The following IL1RAPL2 variants were observed in gnomAD, a reference collection of about 807,000 sequenced individuals.
IL1RAPL2 encodes X-linked interleukin-1 receptor accessory protein-like 2.
Under a neutral mutation model 44.1 loss-of-function variants are expected in IL1RAPL2, and 3 were observed. The observed-to-expected ratio is 0.07, with a 90% CI of 0.03 to 0.18. IL1RAPL2 has a LOEUF of 0.18. Among genes scored for constraint, IL1RAPL2 ranks in the 10% least tolerant of loss-of-function variants. The probability of loss-of-function intolerance (pLI) is 1.00; values close to 1 mark genes in which losing one functional copy is unlikely to be tolerated. For missense variants in IL1RAPL2, 391 were observed against 496.4 expected, an observed-to-expected ratio of 0.79 and a Z score of 2.02; for synonymous variants, 181 against 178.8, an observed-to-expected ratio of 1.01 and a Z score of -0.10.
intron 6 of IL1RAPL2, among the ~76,000 whole-genome samples, chrX:105,528,037 C>T (rs2036606546): frequency 8.9e-6 from 1 of 111,933 alleles, no homozygotes; most frequent in Admixed American, 9.5e-5. Flanking sequence ...CAGGGAATAC[C>T]CATGTCATAG....
intron 6 of IL1RAPL2, among the ~76,000 whole-genome samples, chrX:105,685,827 A>G (rs1056878684): frequency 8.9e-6 from 1 of 112,022 alleles, no homozygotes; most frequent in African/African-American, 3.3e-5. Context: ...CCACAGAGGG[A>G]AGCCCATCAG....
intron 1 of IL1RAPL2, among the ~76,000 whole-genome samples, chrX:104,584,453 G>GTT (rs1310575450): frequency 7.5e-4 from 77 of 102,574 alleles, no homozygotes; most frequent in Admixed American, 2.7e-3. Context: ...TCAATAAATA[G>GTT]TTTTTTTTTT....
At chrX:105,091,294 C>T (rs2032540557) in intron 2 of IL1RAPL2, among the ~76,000 whole-genome samples, 1 of 111,913 alleles carries the variant, frequency 8.9e-6, no homozygotes, top group African/African-American at 3.2e-5. Context: ...GTAATTTTCC[C>T]ATGAATGGTC....
chrX:105,005,010 G>A (rs1052672055), intron 2 of IL1RAPL2, among the ~76,000 whole-genome samples: 4 of 110,923 alleles, frequency 3.6e-5, no homozygotes, highest in Admixed American at 9.6e-5. Context: ...AATCCCCCAC[G>A]TATGTTCTAT....
intron 4 of IL1RAPL2, among the ~76,000 whole-genome samples, chrX:105,244,039 G>A (rs1017368720): frequency 1.8e-5 from 2 of 111,389 alleles, no homozygotes; most frequent in Non-Finnish European, 3.8e-5. Context: ...CCCTAGGTGA[G>A]ACTAATTTGG....
At chrX:105,120,530 T>C (rs1167364968) in intron 2 of IL1RAPL2, among the ~76,000 whole-genome samples, 2 of 111,261 alleles carry the variant, frequency 1.8e-5, no homozygotes, top group African/African-American at 6.5e-5. Flanking sequence ...TACTGCCCTC[T>C]TCCCAAGCCA....
intron 2 of IL1RAPL2, among the ~76,000 whole-genome samples, chrX:104,754,470 TAATG>T (rs1037353613): frequency 9.0e-6 from 1 of 111,685 alleles, no homozygotes; most frequent in African/African-American, 3.2e-5. Flanking sequence ...ATTGATTAAA[TAATG>T]AACTGACTGG....
At position 104,582,612 on chromosome X, in the gene IL1RAPL2, C is replaced by CTT. The variant is rs1178012617; in HGVS notation, c.-20+15563_-20+15564dup. Among the ~76,000 whole-genome samples, 240 of 31,137 alleles carry CTT rather than the reference C, an allele frequency of 7.7e-3. 2 individuals are homozygous for CTT. The highest frequency in any genetic ancestry group is 0.025 in the African/African-American group (227 of 9,145). The allele number at this position is 31,137 out of a possible 115,157, so 27.0% of individuals were successfully genotyped here. ...TTTCTTTCTTTTTCTTTCTTTCTTT[C>CTT]TTTCTTTCTTTCTTTCTTTCTTTCT... On this transcript the variant is annotated intron_variant, in intron 1 of 10. Transcript: ENST00000372582.
At chrX:104,752,526 A>G (rs1187334630) in intron 2 of IL1RAPL2, among the ~76,000 whole-genome samples, 1 of 110,428 alleles carries the variant, frequency 9.1e-6, no homozygotes, top group African/African-American at 3.3e-5. Context: ...CCTTCTCAGT[A>G]TGTAATCACT....
At chrX:104,828,335 A>C (rs1921513550) in intron 2 of IL1RAPL2, among the ~76,000 whole-genome samples, 1 of 111,389 alleles carries the variant, frequency 9.0e-6, no homozygotes, top group South Asian at 3.7e-4. Flanking sequence ...TTTTATTAAT[A>C]TTGATGGTAT....
intron 1 of IL1RAPL2, among the ~76,000 whole-genome samples, chrX:104,627,903 G>T (rs1005788280): frequency 1.8e-5 from 2 of 110,142 alleles, no homozygotes; most frequent in African/African-American, 6.6e-5. Flanking sequence ...TTTGATGTGT[G>T]AACATATCAT....
At chrX:105,146,808 T>C (rs1019620482) in intron 2 of IL1RAPL2, among the ~76,000 whole-genome samples, 2 of 111,583 alleles carry the variant, frequency 1.8e-5, no homozygotes, top group Admixed American at 9.6e-5. Flanking sequence ...TAAGGGTTTT[T>C]AAAGGTTGGG....
chrX:105,411,548 C>T (rs1274650370), intron 5 of IL1RAPL2, among the ~76,000 whole-genome samples: 1 of 110,613 alleles, frequency 9.0e-6, no homozygotes, highest in African/African-American at 3.3e-5. Context: ...GACTGTAAGT[C>T]AAAAACAGTA....
At chrX:104,736,892 T>A (rs1301268028) in intron 2 of IL1RAPL2, among the ~76,000 whole-genome samples, 1 of 112,050 alleles carries the variant, frequency 8.9e-6, no homozygotes, top group Admixed American at 9.5e-5. Flanking sequence ...ATGGTGATCA[T>A]TGATGGAGGT....
intron 2 of IL1RAPL2, among the ~76,000 whole-genome samples, chrX:104,726,544 T>C (rs926781543): frequency 9.0e-6 from 1 of 111,555 alleles, no homozygotes; most frequent in African/African-American, 3.3e-5. Context: ...GTAAGTGTCC[T>C]CTCTTATTTC....
At chrX:104,797,782 A>G (rs886762809) in intron 2 of IL1RAPL2, among the ~76,000 whole-genome samples, 1 of 112,299 alleles carries the variant, frequency 8.9e-6, no homozygotes, top group African/African-American at 3.2e-5. Flanking sequence ...TGCTAAGACA[A>G]AGATAGAATC....
intron 6 of IL1RAPL2, among the ~76,000 whole-genome samples, chrX:105,681,496 G>A (rs1230789246): frequency 3.6e-5 from 4 of 112,338 alleles, no homozygotes; most frequent in African/African-American, 6.5e-5. Context: ...AGTGGTGCAC[G>A]CCTATAATCC....
In IL1RAPL2 at chrX:104,658,265, C is replaced by G. The variant is rs147175163; in HGVS notation, c.-19-630C>G. On this transcript the variant is annotated intron_variant, in intron 1 of 10. Coordinates refer to ENST00000372582, the MANE Select transcript of IL1RAPL2 (RefSeq NM_017416.2). Reference sequence around the variant, plus strand: ...ATTAAGAATATTTGGCACATATACACCATGGAATACTGTGCAGCCATATAA... The same window carrying G: ...ATTAAGAATATTTGGCACATATACAGCATGGAATACTGTGCAGCCATATAA... Among the ~76,000 whole-genome samples, 74 of 112,315 alleles carry G rather than the reference C, an allele frequency of 6.6e-4. 2 individuals are homozygous for G. In the East Asian group the frequency reaches 0.016, roughly 25 times the overall value.
chrX:105,566,683 C>A (rs1026186578), intron 6 of IL1RAPL2, among the ~76,000 whole-genome samples: 6 of 111,310 alleles, frequency 5.4e-5, no homozygotes, highest in African/African-American at 2.0e-4. Context: ...TTAAACTTTT[C>A]ATTTATATCT....
Sources: gnomAD v4.1 joint callset for allele counts (sites outside exome capture counted in the v4.1 genomes callset) on GRCh38, gnomAD v4.1.1 for gene constraint, MANE v1.5 for transcripts, NCBI Gene and HGNC (gene_info 2026-07-23, HGNC 2026-07-21) for gene names.